KANK1: variants seen among roughly 807,000 people sequenced by gnomAD.
KANK1 encodes KN motif and ankyrin repeat domain-containing protein 1.
In KANK1, 109 loss-of-function variants were observed where a neutral mutation model predicts 106.2. The ratio of observed to expected loss-of-function variants is 1.03; its 90% CI spans 0.88 to 1.20. The LOEUF is 1.20. Among genes scored for constraint, KANK1 ranks in the 50% most tolerant of loss-of-function variants. The pLI, the probability that KANK1 is intolerant of heterozygous loss-of-function variation, is 0.00. For synonymous variants in KANK1, 873 were observed against 652.2 expected (o/e 1.34, Z -5.16); for missense variants, 2,399 against 1,710.7 (o/e 1.40, Z -7.10).
upstream of KANK1, among the ~76,000 whole-genome samples, chr9:502,628 T>G (rs1463556387): frequency 6.6e-6 from 1 of 151,846 alleles, no homozygotes; most frequent in East Asian, 1.9e-4. Context: ...GGTTCAAGGA[T>G]TCTCCTGCCT....
chr9:701,298 A>G (rs1314702816), intron 2 of KANK1, among the ~76,000 whole-genome samples: 2 of 152,098 alleles, frequency 1.3e-5, no homozygotes, highest in Admixed American at 6.6e-5. Flanking sequence ...TTTTTAGTAG[A>G]GGTGGGGTTT....
At chr9:517,084 C>A (rs753686458) in intron 1 of KANK1, among the ~76,000 whole-genome samples, 1 of 151,250 alleles carries the variant, frequency 6.6e-6, no homozygotes, top group Non-Finnish European at 1.5e-5. Context: ...AGTTATCCTT[C>A]CAAAATTCAG....
chr9:580,329 C>T (rs1821740864), intron 1 of KANK1, among the ~76,000 whole-genome samples: 1 of 152,138 alleles, frequency 6.6e-6, no homozygotes, highest in African/African-American at 2.4e-5. Context: ...GAAGAGTGAG[C>T]AGCAGCAAGA....
At chr9:693,370 A>G (rs1416362755) in intron 2 of KANK1, 2 of 984,958 alleles carry the variant, frequency 2.0e-6, no homozygotes, top group African/African-American at 3.5e-5. Context: ...AAGAGGGAGT[A>G]AGTCAGCACA....
intron 3 of KANK1, among the ~76,000 whole-genome samples, chr9:491,403 G>T (rs2058375941): frequency 6.6e-6 from 1 of 151,946 alleles, no homozygotes; most frequent in African/African-American, 2.4e-5. Context: ...GAGTAGCTGG[G>T]ACTACAGGTG....
At chr9:493,100 C>G (rs1293289633) in intron 3 of KANK1, among the ~76,000 whole-genome samples, 1 of 151,854 alleles carries the variant, frequency 6.6e-6, no homozygotes, top group Non-Finnish European at 1.5e-5. Flanking sequence ...TGAATATTCA[C>G]ATCCTTGTAC....
At chr9:595,227 A>C (rs1313307461) in intron 1 of KANK1, among the ~76,000 whole-genome samples, 3 of 151,610 alleles carry the variant, frequency 2.0e-5, no homozygotes, top group African/African-American at 7.3e-5. Context: ...CAGTTGGGGC[A>C]ACATGGTGAG....
chr9:712,926 A>G lies in KANK1; in HGVS notation c.2160A>G (p.Gly720=). 1.2e-6 allele frequency: 2 copies of G among 1,614,146 alleles called. No homozygotes were observed. The highest frequency in any genetic ancestry group is 1.7e-6 in the Non-Finnish European group (2 of 1,180,028). The change falls in exon 3 of 12, where the codon GGA becomes GGG. Residue 720 remains glycine, a synonymous_variant. Transcript: ENST00000382297. ...TGGAGACGCGGACAGTAGCTGTAGG[A>G]GAAGGCCGTGTCAAGGACATCAACT... ...QTVETRTVAV[G]EGRVKDINSS...
chr9:744,407 G>A, intron 10 of KANK1, 84 bp from the exon 11 acceptor site: 2 of 1,463,176 alleles, frequency 1.4e-6, no homozygotes, highest in South Asian at 1.3e-5. Context: ...GCCAATTATT[G>A]GAGGGTGTTT....
At chr9:478,885 A>G (rs2058153787) in intron 3 of KANK1, among the ~76,000 whole-genome samples, 1 of 152,104 alleles carries the variant, frequency 6.6e-6, no homozygotes, top group South Asian at 2.1e-4. Context: ...GAAGAAGACA[A>G]ATCATCCATA....
intron 1 of KANK1, among the ~76,000 whole-genome samples, chr9:561,409 T>C (rs1380301214): frequency 6.6e-6 from 1 of 152,214 alleles, no homozygotes; most frequent in Non-Finnish European, 1.5e-5. Context: ...TGCACTCTTA[T>C]TTATTAAAAC....
chr9:670,530 G>T (rs1172343816), intron 1 of KANK1, among the ~76,000 whole-genome samples: 1 of 152,146 alleles, frequency 6.6e-6, no homozygotes, highest in East Asian at 1.9e-4. Context: ...GGTTGCAAAG[G>T]AGCTATCCCT....
chr9:603,059 T>G (rs1828177919), intron 1 of KANK1, among the ~76,000 whole-genome samples: 1 of 151,880 alleles, frequency 6.6e-6, no homozygotes, highest in Non-Finnish European at 1.5e-5. Context: ...ACCACCTGTT[T>G]CTTACATATG....
At chr9:710,769 C>T (rs370581201) in intron 2 of KANK1, 35 bp from the exon 3 acceptor site, 1 of 1,530,850 alleles carries the variant, frequency 6.5e-7, no homozygotes, top group Non-Finnish European at 8.8e-7. Flanking sequence ...AGGTGTATTG[C>T]ATGTCATTAT....
chr9:514,145 T>TC (rs1563696803), intron 1 of KANK1, among the ~76,000 whole-genome samples: 5 of 56,410 alleles, frequency 8.9e-5, no homozygotes, highest in African/African-American at 5.4e-4. Context: ...CCTCCCTCCC[T>TC]TCCTCTCTCC....
Position 711,360 on chromosome 9 carries a change from T to C in KANK1, c.594T>C (p.Ser198=), listed in dbSNP as rs751384644. The part of the protein sequence containing the change: ...GGMGTTSSLP[S]FVGSGNHNPA... ...TGGGCACCACAAGCTCCCTCCCTTCTTTTGTGGGTTCTGGAAACCACAATC... is the reference window on the plus strand; with the variant it reads ...TGGGCACCACAAGCTCCCTCCCTTCCTTTGTGGGTTCTGGAAACCACAATC... Residue 198 remains serine (S), a synonymous_variant, in exon 3 of 12, where the codon TCT becomes TCC. Transcript: ENST00000382297. The C allele has an allele frequency of 2.0e-5, 33 of 1,614,012 alleles. No individual in the cohort carries two copies. The highest frequency in any genetic ancestry group is 6.8e-6 in the Non-Finnish European group (8 of 1,180,038).
intron 1 of KANK1, among the ~76,000 whole-genome samples, chr9:560,028 C>G (rs1815977285): frequency 6.6e-6 from 1 of 152,038 alleles, no homozygotes; most frequent in African/African-American, 2.4e-5. Flanking sequence ...TATTGTAGAC[C>G]CTAGTTCAGT....
rs979366073 is a variant in KANK1 at position 604,789 on chromosome 9, C to A, written c.-83-72101C>A. Among the ~76,000 whole-genome samples, 33 of 151,944 alleles carry A rather than the reference C, an allele frequency of 2.2e-4. 1 individual carries two copies. Among genetic ancestry groups the A allele is most frequent in the African/African-American group, 7.5e-4 (31 of 41,236 alleles). On this transcript the variant is annotated intron_variant, in intron 1 of 11. Coordinates refer to ENST00000382297, the MANE Select transcript of KANK1 (RefSeq NM_015158.5). The stretch of plus-strand genomic sequence containing the variant: ...AGGTTACAGTGAGCCAAGATTGTGC[C>A]ACTGCACTTCAGCCTGTGTAACAGA...
chr9:613,791 C>G (rs180725545), intron 1 of KANK1, among the ~76,000 whole-genome samples: 2 of 151,500 alleles, frequency 1.3e-5, no homozygotes, highest in South Asian at 4.2e-4. Flanking sequence ...TTGTGACTTT[C>G]TGTTGTAAAA....
Sources: gnomAD v4.1 joint callset for allele counts (sites outside exome capture counted in the v4.1 genomes callset) on GRCh38, gnomAD v4.1.1 for gene constraint, MANE v1.5 for transcripts, NCBI Gene and HGNC (gene_info 2026-07-23, HGNC 2026-07-21) for gene names.